POLR1C: variants seen among roughly 807,000 people sequenced by gnomAD.
POLR1C encodes RNA polymerase I and III subunit C, also known as DNA-directed RNA polymerases I and III subunit RPAC1.
In POLR1C, 42 loss-of-function variants were observed where a neutral mutation model predicts 38.3. The observed-to-expected ratio is 1.10, with a 90% CI of 0.86 to 1.42. POLR1C has a LOEUF of 1.42. Among genes scored for constraint, POLR1C ranks in the 40% most tolerant of loss-of-function variants. The pLI is 0.00. For synonymous variants in POLR1C, 163 were observed against 163.9 expected (o/e 0.99, Z 0.04); for missense variants, 507 against 450.5 (o/e 1.13, Z -1.14).
chr6:43,535,314 G>A (rs1794248053), intron 9 of POLR1C, among the ~76,000 whole-genome samples: 2 of 151,878 alleles, frequency 1.3e-5, no homozygotes, highest in South Asian at 4.2e-4. Flanking sequence ...CTATGGCTGG[G>A]CCCAGTGGCT....
intron 8 of POLR1C, chr6:43,528,095 C>G (rs2127702702): frequency 6.6e-7 from 1 of 1,518,590 alleles, no homozygotes; most frequent in East Asian, 2.4e-5. Context: ...TGCCCGCTTC[C>G]TTTTCCCACC....
chr6:43,561,932 T>A (rs1315909227), exon 11 of POLR1C: 1 of 199,438 alleles, frequency 5.0e-6, no homozygotes, highest in Non-Finnish European at 1.0e-5. Context: ...GCTAACAGAA[T>A]GTAAAAGCAT....
At chr6:43,552,825 G>A (rs1192153595) in intron 10 of POLR1C, among the ~76,000 whole-genome samples, 1 of 152,124 alleles carries the variant, frequency 6.6e-6, no homozygotes, top group Non-Finnish European at 1.5e-5. Context: ...CACTATACTG[G>A]TGGCGTACAG....
chr6:43,520,855 C>T (rs1793133201), intron 7 of POLR1C, 77 bp from the exon 8 acceptor site: 2 of 1,599,988 alleles, frequency 1.3e-6, no homozygotes, highest in Non-Finnish European at 8.6e-7. Context: ...ACCCTGGGCT[C>T]CTAAAAGTAT....
chr6:43,538,894 A>T (rs1306189806), intron 9 of POLR1C: 10 of 1,251,752 alleles, frequency 8.0e-6, no homozygotes, highest in Non-Finnish European at 1.1e-5. Flanking sequence ...CGAGGTGGTC[A>T]GTGAATTCCT....
intron 8 of POLR1C, chr6:43,526,662 C>T: frequency 6.2e-7 from 1 of 1,613,508 alleles, no homozygotes; most frequent in Non-Finnish European, 8.5e-7. Flanking sequence ...AGCAGAACTC[C>T]AAGGTCTCAC....
In POLR1C at chr6:43,528,143, G is replaced by A. The variant is rs376689943; in HGVS notation, c.923-1106G>A. On this transcript the variant is annotated intron_variant, in intron 8 of 8. Coordinates refer to the POLR1C transcript ENST00000304004. The stretch of plus-strand genomic sequence containing the variant: ...GCCAGTTCATCCACCAAGAAGAGTG[G>A]GTAGGTATCCCTTACCACAGCAGGC... 7.6e-6 allele frequency: 12 copies of A among 1,585,096 alleles called. No homozygotes were observed. The African/African-American group carries it at 8.1e-5, about 11-fold the overall frequency.
chr6:43,533,158 G>GT (rs997393269), downstream of POLR1C, among the ~76,000 whole-genome samples: 3 of 145,650 alleles, frequency 2.1e-5, no homozygotes, highest in Non-Finnish European at 4.5e-5. Context: ...AACAAAAAAG[G>GT]TAACAATTGG....
In POLR1C at chr6:43,517,336, T is replaced by C. The variant is rs1257530498; in HGVS notation, c.100T>C (p.Ser34Pro). ...VHTTDFPGNY[S>P]GYDDAWDQDR... The stretch of plus-strand genomic sequence containing the variant: ...TACTACTGACTTTCCCGGTAACTAT[T>C]CCGGTTATGATGATGCCTGGGACCA... Residue 34 changes from serine (S) to proline (P), a missense_variant, in exon 2 of 9, where the codon TCC (serine) becomes CCC (proline). Ser to Pro is a moderately conservative substitution (Grantham distance 74). Coordinates refer to ENST00000642195, the MANE Select transcript of POLR1C (RefSeq NM_203290.4). 1 of 1,614,098 alleles carries C rather than the reference T, an allele frequency of 6.2e-7. No individual in the cohort carries two copies. The highest frequency in any genetic ancestry group is 8.5e-7 in the Non-Finnish European group (1 of 1,179,996).
chr6:43,542,820 A>G (rs1441742936), intron 9 of POLR1C, among the ~76,000 whole-genome samples: 1 of 152,222 alleles, frequency 6.6e-6, no homozygotes, highest in Non-Finnish European at 1.5e-5. Context: ...CATCTATAAA[A>G]ACAGAAAATA....
chr6:43,553,341 T>A (rs766414044), intron 10 of POLR1C: 1 of 1,590,178 alleles, frequency 6.3e-7, no homozygotes, highest in Non-Finnish European at 8.6e-7. Flanking sequence ...GTCAAAATAA[T>A]CATGCAGTCA....
chr6:43,536,107 CAA>C (rs570428008), intron 9 of POLR1C, among the ~76,000 whole-genome samples: 4 of 140,104 alleles, frequency 2.9e-5, no homozygotes, highest in African/African-American at 1.1e-4. Flanking sequence ...GACTCCCTCT[CAA>C]AAAAAAAAGT....
At chr6:43,546,398 G>T (rs924715677) in intron 9 of POLR1C, among the ~76,000 whole-genome samples, 5 of 152,196 alleles carry the variant, frequency 3.3e-5, no homozygotes, top group Non-Finnish European at 5.9e-5. Context: ...ATTTATGCAA[G>T]TGAGAGCTGA....
Position 43,546,309 on chromosome 6 carries a change from T to C in POLR1C, c.*5-4659T>C, listed in dbSNP as rs79285403. ...AAAATAGGGATGAAGTATAAAGAAA[T>C]GGAAGAACAACAAAGAGGAGGCTCA... On this transcript the variant is annotated intron_variant, in intron 9 of 10. Coordinates refer to the POLR1C transcript ENST00000607635. Among the ~76,000 whole-genome samples, 4,991 of 152,130 alleles carry C rather than the reference T, an allele frequency of 0.033. 266 individuals are homozygous for C. The highest frequency in any genetic ancestry group is 0.11 in the African/African-American group (4,618 of 41,492).
At chr6:43,553,318 AG>A (rs1795342625) in intron 10 of POLR1C, 1 of 1,557,984 alleles carries the variant, frequency 6.4e-7, no homozygotes, top group Admixed American at 2.0e-5. Flanking sequence ...GAAAGAGAAA[AG>A]AAAAGAAAAA....
chr6:43,558,095 CA>C (rs112872524), intron 10 of POLR1C, among the ~76,000 whole-genome samples: 21 of 133,994 alleles, frequency 1.6e-4, no homozygotes, highest in Middle Eastern at 3.8e-3. Context: ...AACTCCATCT[CA>C]AAAAAAAAAA....
chr6:43,520,172 C>A lies in POLR1C; in HGVS notation c.489C>A (p.Tyr163Ter). 1 of 1,614,204 alleles carries A rather than the reference C, an allele frequency of 6.2e-7. No homozygotes were observed. The highest frequency in any genetic ancestry group is 8.5e-7 in the Non-Finnish European group (1 of 1,180,054). Residue 163 changes from tyrosine (Y) to a stop codon, truncating the protein, a stop_gained, in exon 5 of 9, where the codon TAC (tyrosine) becomes TAA (stop). Coordinates refer to ENST00000642195, the MANE Select transcript of POLR1C (RefSeq NM_203290.4). LOFTEE classifies it high-confidence loss of function. ...ATTCCTCTGACCCCAACGAACTGTACGTGAACCACAAAGGTGAGTAGTGGT... is the reference window on the plus strand; with the variant it reads ...ATTCCTCTGACCCCAACGAACTGTAAGTGAACCACAAAGGTGAGTAGTGGT... Reference protein sequence around the residue: ...AKDSSDPNELYVNHKVYTRHM... With the variant: ...AKDSSDPNEL
chr6:43,523,171 A>C (rs759584136), downstream of POLR1C: 1 of 167,138 alleles, frequency 6.0e-6, no homozygotes, highest in Non-Finnish European at 1.3e-5. Context: ...GAAGGGCAAG[A>C]TGTGTGAACT....
At position 43,546,856 on chromosome 6, in the gene POLR1C, CAG is replaced by C. The variant is rs1463630300; in HGVS notation, c.*5-4106_*5-4105del. The stretch of plus-strand genomic sequence containing the variant: ...GTTCTGGCAAAAGTGACACAGAGGC[CAG>C]AGAGAATGAAATAATCCTCTGCTCC... On this transcript the variant is annotated intron_variant, in intron 9 of 10. Coordinates refer to the POLR1C transcript ENST00000607635. 4 of 1,141,502 alleles carry C rather than the reference CAG, an allele frequency of 3.5e-6. No homozygotes were observed. The African/African-American group carries it at 6.3e-5, about 18-fold the overall frequency. 70.7% of individuals were successfully genotyped at this position (1,141,502 alleles called of 1,614,324 possible).
Sources: gnomAD v4.1 joint callset for allele counts (sites outside exome capture counted in the v4.1 genomes callset) on GRCh38, gnomAD v4.1.1 for gene constraint, MANE v1.5 for transcripts, NCBI Gene and HGNC (gene_info 2026-07-23, HGNC 2026-07-21) for gene names.